The following GRK3 variants were observed in gnomAD, a reference collection of about 807,000 sequenced individuals.
The protein encoded by GRK3 is G protein-coupled receptor kinase 3.
In GRK3, 54 loss-of-function variants were observed where a neutral mutation model predicts 95.7. The observed-to-expected ratio is 0.56, with a 90% CI of 0.45 to 0.71. GRK3 has a LOEUF of 0.71. Among genes scored for constraint, GRK3 ranks in the 30% least tolerant of loss-of-function variants. The pLI is 0.00. For synonymous variants in GRK3, 281 were observed against 290.8 expected (o/e 0.97, Z 0.34); for missense variants, 649 against 851.2 (o/e 0.76, Z 2.96).
chr22:25,654,420 C>A (rs917818415), intron 3 of GRK3, among the ~76,000 whole-genome samples: 10 of 152,052 alleles, frequency 6.6e-5, no homozygotes, highest in Non-Finnish European at 1.5e-4. Flanking sequence ...TAAAAATATA[C>A]ATACACATGA....
intron 19 of GRK3, among the ~76,000 whole-genome samples, chr22:25,718,664 TA>T (rs1321634101): frequency 6.6e-6 from 1 of 152,170 alleles, no homozygotes; most frequent in Non-Finnish European, 1.5e-5. Context: ...TAGACAGATC[TA>T]AAAAGAAAAG....
chr22:25,686,506 C>CAGGAATATGTGTATGGAGAG (rs1485262682), intron 10 of GRK3, among the ~76,000 whole-genome samples: 9 of 152,062 alleles, frequency 5.9e-5, no homozygotes, highest in East Asian at 3.9e-4. Flanking sequence ...GGTGGTTTTA[C>CAGGAATATGTGTATGGAGAG]AGGAATATGT....
Position 25,623,471 on chromosome 22 carries a change from G to A in GRK3, c.190+19018G>A, listed in dbSNP as rs1168206751. Among the ~76,000 whole-genome samples, 30 of 152,178 alleles carry A rather than the reference G, an allele frequency of 2.0e-4. 1 individual carries two copies. ...ACTTACTTGATGGCACAGCTTTGGT[G>A]CAGCCTTAGTGAGCCAGCTCATTTC... On this transcript the variant is annotated intron_variant, in intron 2 of 20. Transcript: ENST00000324198.
Position 25,690,272 on chromosome 22 carries a change from T to A in GRK3, c.1041T>A (p.Pro347=). The A allele has an allele frequency of 6.2e-7, 1 of 1,613,092 alleles. No individual in the cohort carries two copies. Among genetic ancestry groups the A allele is most frequent in the Non-Finnish European group, 8.5e-7 (1 of 1,179,024 alleles). The change falls in exon 12 of 21, where the codon CCT becomes CCA. Residue 347 remains proline, a synonymous_variant. Coordinates refer to ENST00000324198, the MANE Select transcript of GRK3 (RefSeq NM_005160.4). ...GLACDFSKKK[P]HASVGTHGYM... is the part of the protein sequence containing the mutation. ...CCTGCGATTTTTCCAAAAAGAAGCCTCATGCGAGTGTGTAAGTAGTGCGTC... is the reference window on the plus strand; with the variant it reads ...CCTGCGATTTTTCCAAAAAGAAGCCACATGCGAGTGTGTAAGTAGTGCGTC...
At chr22:25,597,102 A>G (rs1188474510) in intron 1 of GRK3, among the ~76,000 whole-genome samples, 1 of 152,168 alleles carries the variant, frequency 6.6e-6, no homozygotes, top group Non-Finnish European at 1.5e-5. Context: ...ATTTCTATAG[A>G]TTATATTTTT....
chr22:25,589,400 T>C (rs543184652), intron 1 of GRK3, among the ~76,000 whole-genome samples: 17 of 152,288 alleles, frequency 1.1e-4, no homozygotes, highest in Non-Finnish European at 4.4e-5. Flanking sequence ...AGAAAATAAA[T>C]TAAAATTATA....
chr22:25,583,110 G>C lies in GRK3; in HGVS notation c.113+17957G>C, dbSNP rs113026284. Among the ~76,000 whole-genome samples the C allele has an allele frequency of 4.9e-3, 736 of 151,082 alleles. 6 individuals carry two copies. The highest frequency in any genetic ancestry group is 0.017 in the African/African-American group (701 of 41,566). On this transcript the variant is annotated intron_variant, in intron 1 of 20. Transcript: ENST00000324198. ...ACTGGCTCTTGTCCTAGGGAAGAGA[G>C]GGGGTAGGAGGCCTGAACTGTGTTT...
At chr22:25,665,811 T>C (rs2146405798) in intron 5 of GRK3, among the ~76,000 whole-genome samples, 1 of 152,334 alleles carries the variant, frequency 6.6e-6, no homozygotes, top group East Asian at 1.9e-4. Flanking sequence ...AACAAAACTG[T>C]TTTTAAAGTA....
chr22:25,589,943 CACT>C (rs1932438776), intron 1 of GRK3, among the ~76,000 whole-genome samples: 1 of 152,160 alleles, frequency 6.6e-6, no homozygotes, highest in African/African-American at 2.4e-5. Context: ...GAGACTAATT[CACT>C]ATCATGAAAA....
At chr22:25,647,680 G>A in intron 3 of GRK3, 1 of 1,393,222 alleles carries the variant, frequency 7.2e-7, no homozygotes, top group Non-Finnish European at 1.0e-6. Flanking sequence ...AGGAAAGAAT[G>A]GTTATATCCT....
At chr22:25,688,807 A>G (rs1276256605) in intron 11 of GRK3, among the ~76,000 whole-genome samples, 1 of 152,262 alleles carries the variant, frequency 6.6e-6, no homozygotes, top group East Asian at 1.9e-4. Flanking sequence ...GCATGGAGAA[A>G]AAGGGACCTT....
rs1335083790 is a variant in GRK3, at chr22:25,646,951, G to A, written c.264+2286G>A. On this transcript the variant is annotated intron_variant, in intron 3 of 20. Coordinates refer to ENST00000324198, the MANE Select transcript of GRK3 (RefSeq NM_005160.4). ...CAGGAGAATCACTTGAACCCGGGAG[G>A]CAGAAGTTGCAGTGAGCTGATATCT... Among the ~76,000 whole-genome samples the A allele has an allele frequency of 6.8e-5, 10 of 147,518 alleles. No individual in the cohort carries two copies. The Admixed American group carries it at 6.8e-4, about 10-fold the overall frequency.
chr22:25,675,582 C>T (rs1194618623), intron 8 of GRK3, among the ~76,000 whole-genome samples: 1 of 152,056 alleles, frequency 6.6e-6, no homozygotes, highest in East Asian at 1.9e-4. Flanking sequence ...GAGCAGTGGG[C>T]TTGGTGGAGT....
chr22:25,625,342 T>C (rs1382963210), intron 2 of GRK3, among the ~76,000 whole-genome samples: 1 of 152,130 alleles, frequency 6.6e-6, no homozygotes, highest in African/African-American at 2.4e-5. Flanking sequence ...AACCAGGCCA[T>C]ACAGAGATAG....
chr22:25,647,808 C>A, intron 3 of GRK3: 3 of 877,100 alleles, frequency 3.4e-6, no homozygotes, highest in Non-Finnish European at 5.8e-6. Context: ...GAGGTATTTT[C>A]TTAGGAAGAG....
In GRK3 at chr22:25,711,168, A is replaced by C. The variant is rs564058540; in HGVS notation, c.1491+5A>C. 17 of 1,556,268 alleles carry C rather than the reference A, an allele frequency of 1.1e-5. No homozygotes were observed. Among genetic ancestry groups the C allele is most frequent in the Non-Finnish European group, 1.5e-5 (17 of 1,139,496 alleles). On this transcript the variant is annotated splice_donor_5th_base_variant and intron_variant, in intron 17 of 20. Coordinates refer to ENST00000324198, the MANE Select transcript of GRK3 (RefSeq NM_005160.4). ...GAGGATACCAAAGGGATTAAGGTAC[A>C]CATGTGATCATTTATTTCTTTATTT...
chr22:25,716,544 G>A (rs913229343), intron 18 of GRK3, among the ~76,000 whole-genome samples: 4 of 152,014 alleles, frequency 2.6e-5, no homozygotes, highest in African/African-American at 4.8e-5. Flanking sequence ...TAAGTAATTC[G>A]TGCATAAGTA....
At chr22:25,666,712 C>G (rs1382395393) in intron 5 of GRK3, among the ~76,000 whole-genome samples, 1 of 152,074 alleles carries the variant, frequency 6.6e-6, no homozygotes, top group Non-Finnish European at 1.5e-5. Context: ...TTCCTATTCT[C>G]ATCACTTGGT....
At chr22:25,637,794 A>T (rs2084713495) in intron 2 of GRK3, among the ~76,000 whole-genome samples, 1 of 152,244 alleles carries the variant, frequency 6.6e-6, no homozygotes, top group Admixed American at 6.5e-5. Context: ...TTATGTGATT[A>T]TGGAGACGGG....
Sources: gnomAD v4.1 joint callset for allele counts (sites outside exome capture counted in the v4.1 genomes callset) on GRCh38, gnomAD v4.1.1 for gene constraint, MANE v1.5 for transcripts, NCBI Gene and HGNC (gene_info 2026-07-23, HGNC 2026-07-21) for gene names.